The following SLC24A2 variants were observed in gnomAD, a reference collection of about 807,000 sequenced individuals.
The protein encoded by SLC24A2 is sodium/potassium/calcium exchanger 2.
SLC24A2 carries 36 observed loss-of-function variants against 62.0 expected under a neutral mutation model. The ratio of observed to expected loss-of-function variants is 0.58; its 90% CI spans 0.44 to 0.77. SLC24A2 has a LOEUF of 0.77. SLC24A2 is among the 30% of genes least tolerant of loss of function. SLC24A2 has a pLI of 0.00. For synonymous variants in SLC24A2, 358 were observed against 294.0 expected (o/e 1.22, Z -2.23); for missense variants, 846 against 817.9 (o/e 1.03, Z -0.42).
chr9:20,034,331 T>C, the SLC24A2 span, among the ~76,000 whole-genome samples: 3 of 152,324 alleles, frequency 2.0e-5, no homozygotes, highest in South Asian at 6.2e-4. Context: ...CTAAACTGAT[T>C]TGAAACACCT....
chr9:20,131,712 A>T, the SLC24A2 span, among the ~76,000 whole-genome samples: 3 of 152,140 alleles, frequency 2.0e-5, no homozygotes, highest in Non-Finnish European at 4.4e-5. Context: ...AGGTTCAGGG[A>T]TGTGCTGGGC....
At position 19,680,141 on chromosome 9, in the gene SLC24A2, C is replaced by T. The variant is rs1819678083; in HGVS notation, c.931-57842G>A. 4.1e-5 allele frequency among the ~76,000 whole-genome samples: 3 copies of T among 72,854 alleles called. No individual in the cohort carries two copies. The Admixed American group carries it at 5.2e-4, about 13-fold the overall frequency. 47.8% of individuals were successfully genotyped at this position (72,854 alleles called of 152,430 possible). On this transcript the variant is annotated intron_variant, in intron 2 of 10. Coordinates refer to ENST00000341998, the MANE Select transcript of SLC24A2 (RefSeq NM_020344.4). ...AGAATTCACAGTCTACAGGGAAAGACAATACAGAACTCTATTAACACTGAG... is the reference window on the plus strand; with the variant it reads ...AGAATTCACAGTCTACAGGGAAAGATAATACAGAACTCTATTAACACTGAG...
chr9:20,023,256 G>T, the SLC24A2 span, among the ~76,000 whole-genome samples: 5 of 152,200 alleles, frequency 3.3e-5, no homozygotes, highest in Non-Finnish European at 5.9e-5. Flanking sequence ...TGTTACAACA[G>T]AATGTAGTTA....
the SLC24A2 span, among the ~76,000 whole-genome samples, chr9:20,174,449 T>G: frequency 1.3e-5 from 2 of 151,810 alleles, no homozygotes; most frequent in Non-Finnish European, 2.9e-5. Context: ...CTTCACAATC[T>G]ATACATCTGA....
At chr9:20,038,599 T>A in the SLC24A2 span, among the ~76,000 whole-genome samples, 1 of 129,838 alleles carries the variant, frequency 7.7e-6, no homozygotes, top group Non-Finnish European at 1.7e-5. Flanking sequence ...TTCTACGATA[T>A]TTTTTTTCAG....
the SLC24A2 span, among the ~76,000 whole-genome samples, chr9:20,102,405 C>A: frequency 6.6e-6 from 1 of 151,048 alleles, no homozygotes; most frequent in African/African-American, 2.4e-5. Context: ...AAAAACCACA[C>A]ACTGCATGTT....
intron 2 of SLC24A2, among the ~76,000 whole-genome samples, chr9:19,723,614 G>A (rs1406548395): frequency 1.3e-5 from 2 of 152,010 alleles, no homozygotes; most frequent in Non-Finnish European, 2.9e-5. Context: ...GGGACTCCAA[G>A]AAATATCGGG....
the SLC24A2 span, among the ~76,000 whole-genome samples, chr9:20,218,718 C>G: frequency 6.6e-6 from 1 of 152,088 alleles, no homozygotes; most frequent in African/African-American, 2.4e-5. Context: ...TCTTTTAATG[C>G]CTAGTTATGT....
Position 19,509,722 on chromosome 9 carries a change from T to C in SLC24A2, c.*6431A>G, listed in dbSNP as rs1327411513. 1 of 152,222 alleles carries C rather than the reference T, an allele frequency of 6.6e-6. No individual in the cohort carries two copies. The highest frequency in any genetic ancestry group is 2.4e-5 in the African/African-American group (1 of 41,460). 9.4% of individuals were successfully genotyped at this position (152,222 alleles called of 1,614,324 possible). On this transcript the variant is annotated 3_prime_UTR_variant, in exon 11 of 11. Coordinates refer to ENST00000341998, the MANE Select transcript of SLC24A2 (RefSeq NM_020344.4). Reference sequence around the variant, plus strand: ...TTTCAGACTTTTTTTACTTTTCTGTTTTTTATGACATGATTTTAAAAATTA... The same window carrying C: ...TTTCAGACTTTTTTTACTTTTCTGTCTTTTATGACATGATTTTAAAAATTA...
the SLC24A2 span, among the ~76,000 whole-genome samples, chr9:20,275,997 G>C: frequency 6.6e-6 from 1 of 152,122 alleles, no homozygotes; most frequent in Non-Finnish European, 1.5e-5. Flanking sequence ...TGGGGATTAT[G>C]GGAGCTACAA....
chr9:20,001,448 G>A, the SLC24A2 span, among the ~76,000 whole-genome samples: 3 of 152,216 alleles, frequency 2.0e-5, no homozygotes, highest in South Asian at 4.1e-4. Context: ...TTCCTTTGCT[G>A]CTTAAATCAT....
chr9:20,194,364 C>G, the SLC24A2 span, among the ~76,000 whole-genome samples: 22 of 152,170 alleles, frequency 1.4e-4, no homozygotes, highest in East Asian at 7.7e-4. Context: ...AAGCCCGATT[C>G]CAGATCCTTT....
rs1818438754 is a variant in SLC24A2, at chr9:19,639,447, C to T, written c.931-17148G>A. ...GAAGCCTTGCATGCCCGCAGATGGTCCTTATACCTCTGCCCAGCTGCCATT... is the reference window on the plus strand; with the variant it reads ...GAAGCCTTGCATGCCCGCAGATGGTTCTTATACCTCTGCCCAGCTGCCATT... On this transcript the variant is annotated intron_variant, in intron 2 of 10. Coordinates refer to ENST00000341998, the MANE Select transcript of SLC24A2 (RefSeq NM_020344.4). 1.3e-4 allele frequency among the ~76,000 whole-genome samples: 20 copies of T among 152,200 alleles called. No homozygotes were observed. The South Asian group carries it at 4.1e-3, about 32-fold the overall frequency.
chr9:19,687,312 G>A (rs1469931634), intron 2 of SLC24A2, among the ~76,000 whole-genome samples: 1 of 152,050 alleles, frequency 6.6e-6, no homozygotes, highest in Non-Finnish European at 1.5e-5. Flanking sequence ...CAAGTTCACT[G>A]TGTTTGGGGT....
At chr9:20,115,595 G>A in the SLC24A2 span, among the ~76,000 whole-genome samples, 7 of 152,196 alleles carry the variant, frequency 4.6e-5, no homozygotes, top group South Asian at 4.1e-4. Context: ...CAATGAACAC[G>A]TCAAACTTGA....
chr9:19,705,602 T>A (rs1469941459), intron 2 of SLC24A2: 2 of 229,316 alleles, frequency 8.7e-6, no homozygotes, highest in East Asian at 2.1e-4. Flanking sequence ...GAGCCACAGC[T>A]CAAAAGGCAA....
the SLC24A2 span, among the ~76,000 whole-genome samples, chr9:19,903,149 C>T: frequency 4.0e-5 from 6 of 151,760 alleles, no homozygotes; most frequent in African/African-American, 7.3e-5. Flanking sequence ...TTGGTTAGCT[C>T]GTAACAAAAT....
intron 8 of SLC24A2, among the ~76,000 whole-genome samples, chr9:19,536,009 T>C (rs1050172646): frequency 1.3e-5 from 2 of 152,130 alleles, no homozygotes; most frequent in South Asian, 2.1e-4. Flanking sequence ...TGTCCTCTCT[T>C]ATTTCCTTGA....
At chr9:20,141,294 C>T in the SLC24A2 span, among the ~76,000 whole-genome samples, 16 of 152,084 alleles carry the variant, frequency 1.1e-4, no homozygotes, top group African/African-American at 2.9e-4. Flanking sequence ...CCCCGGCCTA[C>T]GCTCGCTGTC....
Sources: allele counts gnomAD v4.1 joint callset (sites outside exome capture counted in the v4.1 genomes callset), GRCh38; gene constraint gnomAD v4.1.1; transcripts MANE v1.5; gene names NCBI Gene and HGNC (gene_info 2026-07-23, HGNC 2026-07-21).